The following LRRFIP2 variants were observed in gnomAD, a reference collection of about 807,000 sequenced individuals.
The protein encoded by LRRFIP2 is leucine-rich repeat flightless-interacting protein 2.
A neutral mutation model predicts 125.9 loss-of-function variants in LRRFIP2; 109 were observed. That is an observed-to-expected ratio of 0.87 (90% CI 0.74 to 1.01). The LOEUF (loss-of-function observed/expected upper bound fraction) is 1.01. LRRFIP2 is among the 50% of genes least tolerant of loss of function. The probability of loss-of-function intolerance (pLI) is 0.00; values close to 1 mark genes in which losing one functional copy is unlikely to be tolerated. For missense variants in LRRFIP2, 850 were observed against 862.3 expected, an observed-to-expected ratio of 0.99 and a Z score of 0.18; for synonymous variants, 291 against 293.1, an observed-to-expected ratio of 0.99 and a Z score of 0.07.
chr3:37,070,822 CCAAGATTAT>C (rs1314353058), intron 21 of LRRFIP2, among the ~76,000 whole-genome samples: 1 of 151,934 alleles, frequency 6.6e-6, no homozygotes. Context: ...TATGGCTGGT[CCAAGATTAT>C]CAGTTTAAAA....
intron 23 of LRRFIP2, 116 bp downstream of exon 23, chr3:37,065,694 G>A: frequency 8.0e-7 from 1 of 1,248,502 alleles, no homozygotes; most frequent in East Asian, 2.3e-5. Context: ...TCTAGTTAAG[G>A]ATCTACTTGA....
At chr3:37,166,184 G>T (rs1389048935) in intron 1 of LRRFIP2, among the ~76,000 whole-genome samples, 1 of 152,026 alleles carries the variant, frequency 6.6e-6, no homozygotes, top group Non-Finnish European at 1.5e-5. Context: ...ACAAAAATTA[G>T]CCAGGCATGG....
Position 37,103,030 on chromosome 3 carries a change from A to C in LRRFIP2, c.784-17T>G. 1 of 1,535,130 alleles carries C rather than the reference A, an allele frequency of 6.5e-7. No homozygotes were observed. ...GGCAGATACCTTTCGGTCAGAAAAA[A>C]AACAAGATGCTTTCAAGGTTAAGAA... is the stretch of plus-strand genomic sequence containing the variant. On this transcript the variant is annotated splice_polypyrimidine_tract_variant and intron_variant, in intron 14 of 27. Transcript: ENST00000336686.
chr3:37,137,477 C>T (rs2095586747), intron 2 of LRRFIP2, among the ~76,000 whole-genome samples: 1 of 152,170 alleles, frequency 6.6e-6, no homozygotes, highest in South Asian at 2.1e-4. Flanking sequence ...ATCATAAAAA[C>T]TTACTTTGGA....
At chr3:37,122,569 A>G (rs1007445327) in intron 4 of LRRFIP2, among the ~76,000 whole-genome samples, 8 of 152,236 alleles carry the variant, frequency 5.3e-5, no homozygotes, top group Admixed American at 1.3e-4. Context: ...ACAGTATATG[A>G]TTCTAAAAAT....
intron 8 of LRRFIP2, among the ~76,000 whole-genome samples, chr3:37,111,323 A>C (rs140430990): frequency 1.7e-4 from 26 of 152,354 alleles, no homozygotes; most frequent in African/African-American, 6.3e-4. Flanking sequence ...AAAACAATTT[A>C]TTCTCATGCC....
chr3:37,072,870 T>G lies in LRRFIP2; in HGVS notation c.1384A>C (p.Met462Leu). The change falls in exon 21 of 28, where the codon ATG (methionine) becomes CTG (leucine). Residue 462 changes from methionine (M) to leucine (L), a missense_variant. By Grantham distance (15) the Met-to-Leu change is conservative. Coordinates refer to ENST00000336686, the MANE Select transcript of LRRFIP2 (RefSeq NM_006309.4). Reference protein sequence around the residue: ...RDELIEEKQRMQQKIDTMTKE... With the variant: ...RDELIEEKQRLQQKIDTMTKE... ...GTCATGGTGTCTATTTTCTGCTGCA[T>G]GCGCTGCTTCTCCTGCAGAGGAAGA... is the stretch of plus-strand genomic sequence containing the variant. 6.2e-7 allele frequency: 1 copy of G among 1,610,774 alleles called. No individual in the cohort carries two copies. The highest frequency in any genetic ancestry group is 8.5e-7 in the Non-Finnish European group (1 of 1,177,692).
rs1248506224 is a variant in LRRFIP2, at chr3:37,061,602, AG to A, written c.1749+2139del. Among the ~76,000 whole-genome samples the A allele has an allele frequency of 5.3e-5, 8 of 152,024 alleles. No homozygotes were observed. In the East Asian group the frequency reaches 1.6e-3, roughly 30 times the overall value. ...GAGTTGGGGTTTCACCATGTTGGCC[AG>A]GCTGGTCTCAACTCCTGACCTCAAC... is the stretch of plus-strand genomic sequence containing the variant. On this transcript the variant is annotated intron_variant, in intron 24 of 27. Transcript: ENST00000336686.
intron 19 of LRRFIP2, among the ~76,000 whole-genome samples, chr3:37,081,785 G>C (rs1382293262): frequency 6.6e-6 from 1 of 151,722 alleles, no homozygotes; most frequent in Admixed American, 6.6e-5. Context: ...CTACTCAGGA[G>C]GCTGAGGTGG....
chr3:37,135,238 AT>A (rs1178347716), intron 2 of LRRFIP2: 3 of 625,050 alleles, frequency 4.8e-6, no homozygotes, highest in East Asian at 2.9e-5. Context: ...AGGCGGGCTG[AT>A]CACTAGGTCA....
rs78702397 is a variant in LRRFIP2, at chr3:37,110,936, T to C, written c.513+55A>G. 3.6e-3 allele frequency: 5,454 copies of C among 1,525,704 alleles called. 24 individuals carry two copies. Among genetic ancestry groups the C allele is most frequent in the African/African-American group, 6.4e-3 (467 of 72,998 alleles). 94.5% of individuals were successfully genotyped at this position (1,525,704 alleles called of 1,614,324 possible). ...TAGTCAAAATGCAAAATGGGGAGAT[T>C]AGAAATATGTTAAAAGTGAATCAAA... On this transcript the variant is annotated intron_variant, in intron 9 of 27. Transcript: ENST00000336686.
At chr3:37,075,894 T>C (rs2091947895) in intron 19 of LRRFIP2, among the ~76,000 whole-genome samples, 1 of 152,034 alleles carries the variant, frequency 6.6e-6, no homozygotes, top group East Asian at 1.9e-4. Flanking sequence ...CACTTAAATA[T>C]ACAAATATAT....
intron 18 of LRRFIP2, among the ~76,000 whole-genome samples, chr3:37,085,263 A>T (rs1467753744): frequency 1.3e-5 from 2 of 152,160 alleles, no homozygotes; most frequent in African/African-American, 4.8e-5. Context: ...TAATCCTGGT[A>T]CTTTGGGAGG....
At chr3:37,108,161 A>C (rs756941288) in intron 12 of LRRFIP2, 32 bp from the exon 13 acceptor site, 2 of 1,514,244 alleles carry the variant, frequency 1.3e-6, no homozygotes, top group Non-Finnish European at 1.8e-6. Context: ...AGGTTTTACA[A>C]CAATGATCAC....
chr3:37,155,401 G>C (rs1376127467), intron 1 of LRRFIP2, among the ~76,000 whole-genome samples: 1 of 152,160 alleles, frequency 6.6e-6, no homozygotes, highest in African/African-American at 2.4e-5. Flanking sequence ...ATTAAACCAT[G>C]CTAAGAGTTT....
At chr3:37,176,101 AG>A (rs2096659756), upstream of LRRFIP2, 1 of 152,278 alleles carries the variant, frequency 6.6e-6, no homozygotes, top group South Asian at 2.1e-4. Context: ...CTGTCCGGGA[AG>A]GGCCGAAGAG....
intron 1 of LRRFIP2, among the ~76,000 whole-genome samples, chr3:37,169,743 CT>C (rs1448017067): frequency 6.6e-6 from 1 of 152,122 alleles, no homozygotes; most frequent in Admixed American, 6.5e-5. Flanking sequence ...GTAAAGATAT[CT>C]GTTATATCAA....
intron 7 of LRRFIP2, 149 bp downstream of exon 7, chr3:37,114,905 C>T (rs907605453): frequency 3.4e-6 from 2 of 590,342 alleles, no homozygotes; most frequent in Non-Finnish European, 6.1e-6. Flanking sequence ...GCCACAACCA[C>T]AAAACATTAG....
intron 26 of LRRFIP2, 25 bp from the exon 27 acceptor site, chr3:37,054,540 C>T: frequency 6.6e-7 from 1 of 1,514,026 alleles, no homozygotes; most frequent in Non-Finnish European, 9.1e-7. Context: ...ACATAGGCCT[C>T]TAGTACTGGG....
Sources: gnomAD v4.1 joint callset for allele counts (sites outside exome capture counted in the v4.1 genomes callset) on GRCh38, gnomAD v4.1.1 for gene constraint, MANE v1.5 for transcripts, NCBI Gene and HGNC (gene_info 2026-07-23, HGNC 2026-07-21) for gene names.